The following H2AC11 variants were observed in gnomAD, a reference collection of about 807,000 sequenced individuals.
The protein encoded by H2AC11 is histone H2A type 1.
In H2AC11, 8 loss-of-function variants were observed where a neutral mutation model predicts 5.9. The observed-to-expected ratio is 1.35, with a 90% CI of 0.79 to 2.44. The LOEUF is 2.44. H2AC11 is among the 30% of genes most tolerant of loss of function. The pLI, the probability that H2AC11 is intolerant of heterozygous loss-of-function variation, is 0.00. For synonymous variants in H2AC11, 161 were observed against 81.9 expected, an observed-to-expected ratio of 1.96 and a Z score of -5.21; for missense variants, 189 against 178.6, an observed-to-expected ratio of 1.06 and a Z score of -0.33.
In H2AC11 at chr6:27,133,388, G is replaced by T; in HGVS notation, c.317G>T (p.Gly106Val). The T allele has an allele frequency of 6.2e-7, 1 of 1,614,214 alleles. No individual in the cohort carries two copies. The highest frequency in any genetic ancestry group is 1.3e-5 in the African/African-American group (1 of 75,052). ...CTGGGCAAAGTCACCATCGCACAGG[G>T]CGGTGTCCTGCCCAACATTCAGGCC... ...KLLGKVTIAQGGVLPNIQAVL... is the reference protein window; with the variant it reads ...KLLGKVTIAQVGVLPNIQAVL... The change falls in exon 1 of 1, where the codon GGC becomes GTC. Residue 106 changes from glycine to valine, a missense_variant. Transcript: ENST00000359193.
rs1759874834 is a variant in H2AC11, at chr6:27,133,062, TGC to T, written c.-7_-6del. 5.0e-6 allele frequency: 8 copies of T among 1,602,206 alleles called. No homozygotes were observed. Among genetic ancestry groups the T allele is most frequent in the Non-Finnish European group, 6.8e-6 (8 of 1,173,416 alleles). ...CACTTTGTGGTTGCTCGTAGTGAGTTGCGCTCGCTATGTCTGGACGTGGCAAG... is the reference window on the plus strand; with the variant it reads ...CACTTTGTGGTTGCTCGTAGTGAGTTGCTCGCTATGTCTGGACGTGGCAAG... On this transcript the variant is annotated 5_prime_UTR_variant, in exon 1 of 1. Transcript: ENST00000359193.
chr6:27,133,433 C>T lies in H2AC11; in HGVS notation c.362C>T (p.Thr121Ile). Reference protein sequence around the residue: ...NIQAVLLPKKTESHHKAKGK With the variant: ...NIQAVLLPKKIESHHKAKGK ...CAGGCCGTGCTACTGCCCAAAAAGA[C>T]TGAGAGCCACCACAAGGCGAAGGGC... Residue 121 changes from threonine (T) to isoleucine (I), a missense_variant, in exon 1 of 1, where the codon ACT becomes ATT. Thr to Ile is a moderately conservative substitution (Grantham distance 89). Transcript: ENST00000359193. The T allele has an allele frequency of 1.2e-6, 2 of 1,614,206 alleles. No homozygotes were observed. Among genetic ancestry groups the T allele is most frequent in the South Asian group, 1.1e-5 (1 of 91,086 alleles).
rs1759876043 is a variant in H2AC11 at position 27,133,088 on chromosome 6, A to AT, written c.17_18insT (p.Lys6AsnfsTer9). ...GCGCTCGCTATGTCTGGACGTGGCA[A>AT]GCAGGGAGGCAAAGCCCGCGCTAAG... On this transcript the variant is annotated frameshift_variant, in exon 1 of 1. Coordinates refer to ENST00000359193, the MANE Select transcript of H2AC11 (RefSeq NM_021064.5). LOFTEE classifies it high-confidence loss of function. 2.5e-6 allele frequency: 4 copies of AT among 1,612,294 alleles called. No homozygotes were observed. Among genetic ancestry groups the AT allele is most frequent in the South Asian group, 1.1e-5 (1 of 90,980 alleles).
chr6:27,133,437 G>A lies in H2AC11; in HGVS notation c.366G>A (p.Glu122=), dbSNP rs1759886876. The A allele has an allele frequency of 3.1e-6, 5 of 1,614,174 alleles. No homozygotes were observed. The highest frequency in any genetic ancestry group is 3.4e-6 in the Non-Finnish European group (4 of 1,179,994). Residue 122 remains glutamate, a synonymous_variant, in exon 1 of 1, where the codon GAG becomes GAA. Coordinates refer to ENST00000359193, the MANE Select transcript of H2AC11 (RefSeq NM_021064.5). ...CCGTGCTACTGCCCAAAAAGACTGAGAGCCACCACAAGGCGAAGGGCAAGT... is the reference window on the plus strand; with the variant it reads ...CCGTGCTACTGCCCAAAAAGACTGAAAGCCACCACAAGGCGAAGGGCAAGT... ...IQAVLLPKKT[E]SHHKAKGK
Position 27,133,085 on chromosome 6 carries a change from G to A in H2AC11, c.14G>A (p.Gly5Asp), listed in dbSNP as rs1759875961. MSGR[G>D]KQGGKARAKA... Reference sequence around the variant, plus strand: ...GTTGCGCTCGCTATGTCTGGACGTGGCAAGCAGGGAGGCAAAGCCCGCGCT... The same window carrying A: ...GTTGCGCTCGCTATGTCTGGACGTGACAAGCAGGGAGGCAAAGCCCGCGCT... The change falls in exon 1 of 1, where the codon GGC becomes GAC. Residue 5 changes from glycine to aspartate, a missense_variant. By Grantham distance (94) the Gly-to-Asp change is moderately conservative. Coordinates refer to ENST00000359193, the MANE Select transcript of H2AC11 (RefSeq NM_021064.5). 6.2e-7 allele frequency: 1 copy of A among 1,611,988 alleles called. No homozygotes were observed. Among genetic ancestry groups the A allele is most frequent in the Non-Finnish European group, 8.5e-7 (1 of 1,178,666 alleles).
rs1480745824 is a variant in H2AC11, at chr6:27,133,362, G to T, written c.291G>T (p.Leu97=). 6.2e-7 allele frequency: 1 copy of T among 1,614,238 alleles called. No homozygotes were observed. The highest frequency in any genetic ancestry group is 1.7e-5 in the Admixed American group (1 of 60,028). The change falls in exon 1 of 1, where the codon CTG becomes CTT. Residue 97 remains leucine, a synonymous_variant. Transcript: ENST00000359193. The stretch of plus-strand genomic sequence containing the variant: ...GCAACGACGAGGAGCTCAACAAGCT[G>T]CTGGGCAAAGTCACCATCGCACAGG... The part of the protein sequence containing the change: ...AIRNDEELNK[L]LGKVTIAQGG...
At position 27,133,205 on chromosome 6, in the gene H2AC11, G is replaced by C; in HGVS notation, c.134G>C (p.Gly45Ala). 1.2e-6 allele frequency: 2 copies of C among 1,614,068 alleles called. No homozygotes were observed. Among genetic ancestry groups the C allele is most frequent in the Non-Finnish European group, 1.7e-6 (2 of 1,180,000 alleles). The change falls in exon 1 of 1, where the codon GGG becomes GCG. Residue 45 changes from glycine to alanine, a missense_variant. Physicochemically the swap from Gly to Ala is moderately conservative, Grantham distance 60. Coordinates refer to ENST00000359193, the MANE Select transcript of H2AC11 (RefSeq NM_021064.5). ...AAAGGCAACTATGCCGAGCGGGTCG[G>C]GGCCGGCGCGCCGGTGTATCTGGCA... ...LRKGNYAERVGAGAPVYLAAV... is the reference protein window; with the variant it reads ...LRKGNYAERVAAGAPVYLAAV...
In H2AC11 at chr6:27,133,098, C is replaced by T. The variant is rs759759329; in HGVS notation, c.27C>T (p.Gly9=). MSGRGKQG[G]KARAKAKTRS... ...TGTCTGGACGTGGCAAGCAGGGAGG[C>T]AAAGCCCGCGCTAAGGCCAAGACTC... Residue 9 remains glycine, a synonymous_variant, in exon 1 of 1, where the codon GGC becomes GGT. Transcript: ENST00000359193. 5.1e-5 allele frequency: 82 copies of T among 1,613,062 alleles called. No individual in the cohort carries two copies. In the South Asian group the frequency reaches 8.4e-4, roughly 16 times the overall value.
chr6:27,133,326 A>G lies in H2AC11; in HGVS notation c.255A>G (p.Gln85=), dbSNP rs375603006. Residue 85 remains glutamine, a synonymous_variant, in exon 1 of 1, where the codon CAA becomes CAG. Transcript: ENST00000359193. ...KKTRIIPRHL[Q]LAIRNDEELN... is the part of the protein sequence containing the mutation. Reference sequence around the variant, plus strand: ...CCCGCATCATCCCGCGTCATCTCCAACTGGCCATCCGCAACGACGAGGAGC... The same window carrying G: ...CCCGCATCATCCCGCGTCATCTCCAGCTGGCCATCCGCAACGACGAGGAGC... 83 of 1,614,078 alleles carry G rather than the reference A, an allele frequency of 5.1e-5. No individual in the cohort carries two copies. Among genetic ancestry groups the G allele is most frequent in the Admixed American group, 8.3e-5 (5 of 60,002 alleles).
chr6:27,133,093 G>GT lies in H2AC11; in HGVS notation c.22_23insT (p.Gly8ValfsTer7). On this transcript the variant is annotated frameshift_variant, in exon 1 of 1. Transcript: ENST00000359193. LOFTEE classifies it high-confidence loss of function. ...CGCTATGTCTGGACGTGGCAAGCAG[G>GT]GAGGCAAAGCCCGCGCTAAGGCCAA... 1 of 1,612,916 alleles carries GT rather than the reference G, an allele frequency of 6.2e-7. No homozygotes were observed.
chr6:27,133,194 C>G lies in H2AC11; in HGVS notation c.123C>G (p.Ala41=), dbSNP rs751767269. The change falls in exon 1 of 1, where the codon GCC becomes GCG. Residue 41 remains alanine (A), a synonymous_variant. Coordinates refer to ENST00000359193, the MANE Select transcript of H2AC11 (RefSeq NM_021064.5). ...VHRLLRKGNY[A]ERVGAGAPVY... is the part of the protein sequence containing the mutation. ...GCCTGCTCCGCAAAGGCAACTATGC[C>G]GAGCGGGTCGGGGCCGGCGCGCCGG... 4.3e-6 allele frequency: 7 copies of G among 1,614,064 alleles called. No homozygotes were observed. In the South Asian group the frequency reaches 4.4e-5, roughly 10 times the overall value.
chr6:27,133,287 C>A lies in H2AC11; in HGVS notation c.216C>A (p.Arg72=). ...TGGAACTGGCGGGCAACGCGGCCCG[C>A]GACAACAAGAAGACCCGCATCATCC... ...EILELAGNAA[R]DNKKTRIIPR... The change falls in exon 1 of 1, where the codon CGC becomes CGA. Residue 72 remains arginine (R), a synonymous_variant. Transcript: ENST00000359193. 6.2e-7 allele frequency: 1 copy of A among 1,614,130 alleles called. No individual in the cohort carries two copies. The highest frequency in any genetic ancestry group is 8.5e-7 in the Non-Finnish European group (1 of 1,180,026).
rs1441704259 is a variant in H2AC11, at chr6:27,133,518, T to A, written c.*54T>A. On this transcript the variant is annotated 3_prime_UTR_variant, in exon 1 of 1. Coordinates refer to ENST00000359193, the MANE Select transcript of H2AC11 (RefSeq NM_021064.5). ...GTAAAATCGAGTCCAAACCAACGGC[T>A]CTTTTCAGGGCCACCCACGTCTTCT... is the stretch of plus-strand genomic sequence containing the variant. 60 of 1,578,554 alleles carry A rather than the reference T, an allele frequency of 3.8e-5. No homozygotes were observed. The highest frequency in any genetic ancestry group is 5.2e-5 in the Non-Finnish European group (60 of 1,159,286).
rs752078716 is a variant in H2AC11, at chr6:27,133,467, A to C, written c.*3A>C. On this transcript the variant is annotated 3_prime_UTR_variant, in exon 1 of 1. Coordinates refer to ENST00000359193, the MANE Select transcript of H2AC11 (RefSeq NM_021064.5). ...ACCACAAGGCGAAGGGCAAGTAACT[A>C]TCTGTACTAGTTTGTGGCAGCTCAA... 2 of 1,613,464 alleles carry C rather than the reference A, an allele frequency of 1.2e-6. No homozygotes were observed. Among genetic ancestry groups the C allele is most frequent in the Admixed American group, 1.7e-5 (1 of 60,004 alleles).
In H2AC11 at chr6:27,133,146, G is replaced by A. The variant is rs115976308; in HGVS notation, c.75G>A (p.Gln25=). The A allele has an allele frequency of 1.8e-3, 2,923 of 1,614,094 alleles. 35 individuals are homozygous for A. In the African/African-American group the frequency reaches 0.026, roughly 14 times the overall value. ...AKTRSSRAGL[Q]FPVGRVHRLL... is the part of the protein sequence containing the mutation. ...CTCGCTCTTCTAGGGCCGGTCTCCA[G>A]TTCCCCGTGGGCCGAGTGCACCGCC... The change falls in exon 1 of 1, where the codon CAG becomes CAA. Residue 25 remains glutamine, a synonymous_variant. Transcript: ENST00000359193.
rs771896512 is a variant in H2AC11, at chr6:27,133,331, C to A, written c.260C>A (p.Ala87Asp). The change falls in exon 1 of 1, where the codon GCC (alanine) becomes GAC (aspartate). Residue 87 changes from alanine to aspartate, a missense_variant. Coordinates refer to ENST00000359193, the MANE Select transcript of H2AC11 (RefSeq NM_021064.5). The part of the protein sequence containing the change: ...TRIIPRHLQL[A>D]IRNDEELNKL... ...ATCATCCCGCGTCATCTCCAACTGG[C>A]CATCCGCAACGACGAGGAGCTCAAC... The A allele has an allele frequency of 6.2e-7, 1 of 1,614,194 alleles. No homozygotes were observed. Among genetic ancestry groups the A allele is most frequent in the Non-Finnish European group, 8.5e-7 (1 of 1,180,038 alleles).
Position 27,133,116 on chromosome 6 carries a change from C to T in H2AC11, c.45C>T (p.Ala15=), listed in dbSNP as rs777975103. The change falls in exon 1 of 1, where the codon GCC becomes GCT. Residue 15 remains alanine, a synonymous_variant. Transcript: ENST00000359193. The part of the protein sequence containing the change: ...GKQGGKARAK[A]KTRSSRAGLQ... ...AGGGAGGCAAAGCCCGCGCTAAGGC[C>T]AAGACTCGCTCTTCTAGGGCCGGTC... 13 of 1,613,792 alleles carry T rather than the reference C, an allele frequency of 8.1e-6. No individual in the cohort carries two copies. Among genetic ancestry groups the T allele is most frequent in the Non-Finnish European group, 1.1e-5 (13 of 1,179,922 alleles).
In H2AC11 at chr6:27,133,271, C is replaced by T. The variant is rs749244242; in HGVS notation, c.200C>T (p.Ala67Val). 20 of 1,614,156 alleles carry T rather than the reference C, an allele frequency of 1.2e-5. No individual in the cohort carries two copies. The highest frequency in any genetic ancestry group is 2.2e-5 in the East Asian group (1 of 44,870). Residue 67 changes from alanine (A) to valine (V), a missense_variant, in exon 1 of 1, where the codon GCG becomes GTG. By Grantham distance (64) the Ala-to-Val change is moderately conservative. Transcript: ENST00000359193. ...CTGACCGCCGAGATCCTGGAACTGGCGGGCAACGCGGCCCGCGACAACAAG... is the reference window on the plus strand; with the variant it reads ...CTGACCGCCGAGATCCTGGAACTGGTGGGCAACGCGGCCCGCGACAACAAG... ...EYLTAEILEL[A>V]GNAARDNKKT...
chr6:27,133,514 C>G lies in H2AC11; in HGVS notation c.*50C>G. The G allele has an allele frequency of 1.3e-6, 2 of 1,581,814 alleles. No homozygotes were observed. The highest frequency in any genetic ancestry group is 1.7e-6 in the Non-Finnish European group (2 of 1,161,584). Reference sequence around the variant, plus strand: ...TCAAGTAAAATCGAGTCCAAACCAACGGCTCTTTTCAGGGCCACCCACGTC... The same window carrying G: ...TCAAGTAAAATCGAGTCCAAACCAAGGGCTCTTTTCAGGGCCACCCACGTC... On this transcript the variant is annotated 3_prime_UTR_variant, in exon 1 of 1. Transcript: ENST00000359193.
Sources: allele counts gnomAD v4.1 joint callset, GRCh38; gene constraint gnomAD v4.1.1; transcripts MANE v1.5; gene names NCBI Gene and HGNC (gene_info 2026-07-23, HGNC 2026-07-21).